The following ZNF722 variants were observed in gnomAD, a reference collection of about 807,000 sequenced individuals.
The protein encoded by ZNF722 is zinc finger protein 479 pseudogene.
At chr7:64,002,054 T>G in the ZNF722 span, among the ~76,000 whole-genome samples, 1 of 152,076 alleles carries the variant, frequency 6.6e-6, no homozygotes, top group Non-Finnish European at 1.5e-5. Flanking sequence ...AGCTAATTTT[T>G]GTATTTTTAG....
At chr7:64,016,194 A>G in the ZNF722 span, 5 of 278,030 alleles carry the variant, frequency 1.8e-5, no homozygotes, top group Non-Finnish European at 3.4e-5. Flanking sequence ...GCTGCAGTGC[A>G]GTGGCACAAA....
the ZNF722 span, among the ~76,000 whole-genome samples, chr7:64,002,578 TAAG>T: frequency 3.9e-5 from 6 of 152,312 alleles, no homozygotes; most frequent in South Asian, 4.1e-4. Flanking sequence ...TAGAGAAACA[TAAG>T]AAGAAATAAA....
chr7:63,999,924 G>A, the ZNF722 span, among the ~76,000 whole-genome samples: 3 of 151,976 alleles, frequency 2.0e-5, no homozygotes, highest in Admixed American at 6.6e-5. Flanking sequence ...TCGAACCCCT[G>A]ACCTGAAGTG....
the ZNF722 span, chr7:64,005,601 G>T: frequency 9.3e-7 from 1 of 1,075,382 alleles, no homozygotes. Context: ...TTTTGTTTTT[G>T]TTTTTTTCAG....
chr7:64,011,825 A>G, the ZNF722 span, among the ~76,000 whole-genome samples: 5 of 152,068 alleles, frequency 3.3e-5, no homozygotes, highest in African/African-American at 1.2e-4. Flanking sequence ...GTTCTCCTGG[A>G]TAATATCCTA....
chr7:64,003,545 C>A, the ZNF722 span, among the ~76,000 whole-genome samples: 7 of 152,004 alleles, frequency 4.6e-5, no homozygotes, highest in Non-Finnish European at 7.4e-5. Flanking sequence ...GTCCACTCTG[C>A]CTTTTGGAAT....
At chr7:64,012,655 G>T in the ZNF722 span, among the ~76,000 whole-genome samples, 1 of 152,134 alleles carries the variant, frequency 6.6e-6, no homozygotes, top group Non-Finnish European at 1.5e-5. Flanking sequence ...CTAACAGAAT[G>T]TGCCAGGTGC....
At chr7:64,007,551 T>A in the ZNF722 span, among the ~76,000 whole-genome samples, 1 of 152,164 alleles carries the variant, frequency 6.6e-6, no homozygotes, top group Non-Finnish European at 1.5e-5. Context: ...TTCATCCGTG[T>A]CCATACAAAT....
chr7:64,000,131 T>TG, the ZNF722 span, among the ~76,000 whole-genome samples: 1,285 of 44,872 alleles, frequency 0.029, 17 homozygotes, highest in African/African-American at 0.06. Flanking sequence ...TTTTTTTTTT[T>TG]TTGTGTGTGT....
the ZNF722 span, among the ~76,000 whole-genome samples, chr7:64,013,192 T>G: frequency 6.6e-6 from 1 of 152,158 alleles, no homozygotes; most frequent in Non-Finnish European, 1.5e-5. Context: ...AATTGATATT[T>G]TATTTAAATT....
chr7:64,009,601 C>T, the ZNF722 span, among the ~76,000 whole-genome samples: 5 of 152,218 alleles, frequency 3.3e-5, no homozygotes, highest in South Asian at 4.2e-4. Flanking sequence ...CTGACTTGAT[C>T]GTGGTGGATA....
At chr7:64,010,172 G>A in the ZNF722 span, among the ~76,000 whole-genome samples, 1 of 152,062 alleles carries the variant, frequency 6.6e-6, no homozygotes, top group East Asian at 1.9e-4. Context: ...TATCAATTTT[G>A]GTGATCTGTT....
At chr7:64,006,651 C>G in the ZNF722 span, among the ~76,000 whole-genome samples, 1 of 152,050 alleles carries the variant, frequency 6.6e-6, no homozygotes, top group African/African-American at 2.4e-5. Flanking sequence ...TTGAGAAACT[C>G]TACGTTAAAC....
chr7:64,004,322 T>G, the ZNF722 span, among the ~76,000 whole-genome samples: 7 of 148,610 alleles, frequency 4.7e-5, no homozygotes, highest in African/African-American at 1.5e-4. Flanking sequence ...GGCAGGAGAA[T>G]TGCTTGAACT....
At chr7:64,007,859 A>G in the ZNF722 span, among the ~76,000 whole-genome samples, 1 of 152,200 alleles carries the variant, frequency 6.6e-6, no homozygotes, top group East Asian at 1.9e-4. Context: ...AGTCCCACCA[A>G]CAGTGTAAAA....
At chr7:64,013,534 T>G in the ZNF722 span, among the ~76,000 whole-genome samples, 2 of 152,048 alleles carry the variant, frequency 1.3e-5, no homozygotes, top group Non-Finnish European at 2.9e-5. Flanking sequence ...AAAAATGACT[T>G]CAGTTGCATA....
At chr7:64,004,425 A>AAAAAAAAAAAAAAAATATATAT in the ZNF722 span, among the ~76,000 whole-genome samples, 6 of 61,110 alleles carry the variant, frequency 9.8e-5, no homozygotes, top group African/African-American at 4.8e-4. Context: ...AAAAAAAAAA[A>AAAAAAAAAAAAAAAATATATAT]ATATATATAT....
the ZNF722 span, chr7:63,998,911 C>A: frequency 4.1e-6 from 6 of 1,470,072 alleles, no homozygotes; most frequent in Non-Finnish European, 5.5e-6. Flanking sequence ...ATTCTCTGCT[C>A]CTAGAGGCCA....
the ZNF722 span, among the ~76,000 whole-genome samples, chr7:63,999,625 G>A: frequency 6.6e-6 from 1 of 152,148 alleles, no homozygotes; most frequent in Non-Finnish European, 1.5e-5. Flanking sequence ...TATGTCATCA[G>A]AGATTAGTTG....
Sources: gnomAD v4.1 joint callset for allele counts (sites outside exome capture counted in the v4.1 genomes callset) on GRCh38, gnomAD v4.1.1 for gene constraint, MANE v1.5 for transcripts, NCBI Gene and HGNC (gene_info 2026-07-23, HGNC 2026-07-21) for gene names.